SUGCT: variants seen among roughly 807,000 people sequenced by gnomAD.
SUGCT encodes succinyl-CoA:glutarate CoA-transferase.
Under a neutral mutation model 55.0 loss-of-function variants are expected in SUGCT, and 41 were observed. That is an observed-to-expected ratio of 0.74 (90% CI 0.58 to 0.97). SUGCT has a LOEUF of 0.97. Among genes scored for constraint, SUGCT ranks in the 50% least tolerant of loss-of-function variants. SUGCT has a pLI of 0.00. For synonymous variants in SUGCT, 187 were observed against 200.4 expected (o/e 0.93, Z 0.56); for missense variants, 568 against 547.8 (o/e 1.04, Z -0.37).
intron 9 of SUGCT, among the ~76,000 whole-genome samples, chr7:40,420,586 G>A (rs1205146616): frequency 1.3e-5 from 2 of 152,182 alleles, no homozygotes; most frequent in East Asian, 3.9e-4. Context: ...TGATCCACCT[G>A]CTTCGGCCTC....
chr7:40,249,871 C>T (rs945853893), intron 7 of SUGCT, among the ~76,000 whole-genome samples: 1 of 152,274 alleles, frequency 6.6e-6, no homozygotes, highest in Non-Finnish European at 1.5e-5. Context: ...ACCGCAACCT[C>T]TGCCTCCTGG....
At chr7:40,949,397 C>G in the SUGCT span, among the ~76,000 whole-genome samples, 50,397 of 151,836 alleles carry the variant, frequency 0.33, 9,096 homozygotes, top group Admixed American at 0.45. Context: ...TTCTCCCATT[C>G]TGTAGGTTGC....
chr7:40,907,706 C>T, the SUGCT span, among the ~76,000 whole-genome samples: 2 of 152,200 alleles, frequency 1.3e-5, no homozygotes, highest in East Asian at 3.9e-4. Flanking sequence ...ACAGCCTGTT[C>T]GCTTAACCAC....
the SUGCT span, among the ~76,000 whole-genome samples, chr7:40,906,006 G>T: frequency 0.51 from 78,213 of 152,054 alleles, 21,475 homozygotes; most frequent in African/African-American, 0.72. Context: ...TTACAGGCAT[G>T]AGCCACTGCA....
At chr7:40,690,505 C>T (rs1485844630) in intron 12 of SUGCT, among the ~76,000 whole-genome samples, 2 of 151,924 alleles carry the variant, frequency 1.3e-5, no homozygotes, top group Non-Finnish European at 2.9e-5. Flanking sequence ...AAACTACTTT[C>T]TCATAATTCT....
chr7:40,502,307 A>G (rs1792324043), intron 12 of SUGCT, among the ~76,000 whole-genome samples: 1 of 152,062 alleles, frequency 6.6e-6, no homozygotes, highest in Non-Finnish European at 1.5e-5. Flanking sequence ...TTTAATGTGT[A>G]AAAAATTAAA....
chr7:40,424,573 T>C (rs1400779577), intron 9 of SUGCT, among the ~76,000 whole-genome samples: 1 of 152,190 alleles, frequency 6.6e-6, no homozygotes, highest in Non-Finnish European at 1.5e-5. Context: ...TACTTCTATA[T>C]GTTTCAGTTT....
the SUGCT span, among the ~76,000 whole-genome samples, chr7:40,964,192 T>C: frequency 2.0e-5 from 3 of 152,214 alleles, no homozygotes; most frequent in African/African-American, 7.2e-5. Context: ...TTTGTCTGGC[T>C]ATGCTTGAAT....
intron 6 of SUGCT, among the ~76,000 whole-genome samples, chr7:40,214,186 G>A (rs1448173268): frequency 6.6e-6 from 1 of 152,150 alleles, no homozygotes; most frequent in Non-Finnish European, 1.5e-5. Flanking sequence ...TACTGATAGA[G>A]TTTAAAATTT....
chr7:40,867,743 G>T, the SUGCT span, among the ~76,000 whole-genome samples: 1 of 152,152 alleles, frequency 6.6e-6, no homozygotes, highest in South Asian at 2.1e-4. Context: ...TGTCTATTAA[G>T]CCATGAATGA....
intron 12 of SUGCT, among the ~76,000 whole-genome samples, chr7:40,533,902 A>G (rs562066309): frequency 3.9e-5 from 6 of 152,214 alleles, no homozygotes; most frequent in African/African-American, 1.4e-4. Flanking sequence ...TTACAGATGT[A>G]CACAAATAAC....
At chr7:40,445,677 T>A (rs900328666) in intron 9 of SUGCT, among the ~76,000 whole-genome samples, 1 of 152,116 alleles carries the variant, frequency 6.6e-6, no homozygotes, top group African/African-American at 2.4e-5. Context: ...TACCAAAGCT[T>A]GGCAGAGACA....
chr7:41,017,790 G>C, the SUGCT span, among the ~76,000 whole-genome samples: 1 of 145,004 alleles, frequency 6.9e-6, no homozygotes, highest in African/African-American at 2.6e-5. Context: ...AAAAAAGAAA[G>C]ATTTCACTGG....
At chr7:40,543,983 T>C (rs1294106924) in intron 12 of SUGCT, among the ~76,000 whole-genome samples, 1 of 152,184 alleles carries the variant, frequency 6.6e-6, no homozygotes, top group Admixed American at 6.5e-5. Flanking sequence ...TGCCCATATA[T>C]TGATGTGACA....
the SUGCT span, among the ~76,000 whole-genome samples, chr7:41,025,397 T>A: frequency 6.6e-6 from 1 of 152,078 alleles, no homozygotes; most frequent in Non-Finnish European, 1.5e-5. Context: ...TGAGACGTAG[T>A]TTCGCTCTGT....
At chr7:40,921,973 C>A in the SUGCT span, among the ~76,000 whole-genome samples, 1 of 152,064 alleles carries the variant, frequency 6.6e-6, no homozygotes. Context: ...GAATATAAAT[C>A]GTAGTGAAGT....
intron 1 of SUGCT, among the ~76,000 whole-genome samples, chr7:40,172,878 T>G (rs540966287): frequency 2.0e-5 from 3 of 152,222 alleles, no homozygotes; most frequent in Admixed American, 6.5e-5. Flanking sequence ...ATGCTAATCG[T>G]TTTTAACTGG....
At chr7:40,927,344 G>T in the SUGCT span, among the ~76,000 whole-genome samples, 25 of 152,270 alleles carry the variant, frequency 1.6e-4, no homozygotes, top group African/African-American at 5.8e-4. Flanking sequence ...CCTTGCTCTT[G>T]TGTGGTACAT....
At chr7:40,660,297 C>G (rs560062007) in intron 12 of SUGCT, among the ~76,000 whole-genome samples, 1 of 152,204 alleles carries the variant, frequency 6.6e-6, no homozygotes, top group African/African-American at 2.4e-5. Flanking sequence ...CTTGCTCTGT[C>G]ACCCAGGCTG....
Sources: allele counts gnomAD v4.1 joint callset (sites outside exome capture counted in the v4.1 genomes callset), GRCh38; gene constraint gnomAD v4.1.1; transcripts MANE v1.5; gene names NCBI Gene and HGNC (gene_info 2026-07-23, HGNC 2026-07-21).